Variants in CFAP299 observed in about 807,000 individuals in gnomAD.
The protein encoded by CFAP299 is cilia- and flagella-associated protein 299.
A neutral mutation model predicts 27.0 loss-of-function variants in CFAP299; 21 were observed. The ratio of observed to expected loss-of-function variants is 0.78; its 90% CI spans 0.55 to 1.12. The LOEUF is 1.12. Ranked by LOEUF, CFAP299 falls within the 50% of genes most tolerant of loss-of-function variation. CFAP299 has a pLI of 0.00. For synonymous variants in CFAP299, 104 were observed against 98.1 expected, an observed-to-expected ratio of 1.06 and a Z score of -0.36; for missense variants, 310 against 276.6, an observed-to-expected ratio of 1.12 and a Z score of -0.86.
chr4:80,472,456 AAG>A (rs2110117403), intron 2 of CFAP299, among the ~76,000 whole-genome samples: 1 of 152,304 alleles, frequency 6.6e-6, no homozygotes, highest in East Asian at 1.9e-4. Flanking sequence ...CAACGGATGA[AAG>A]AGGGGAATGC....
chr4:80,550,409 C>T (rs1479054972), intron 2 of CFAP299, among the ~76,000 whole-genome samples: 3 of 151,972 alleles, frequency 2.0e-5, no homozygotes, highest in African/African-American at 7.2e-5. Flanking sequence ...CCTCTCTTCC[C>T]TATATTTAAA....
intron 2 of CFAP299, among the ~76,000 whole-genome samples, chr4:80,382,570 C>A (rs185361555): frequency 2.6e-5 from 4 of 152,068 alleles, no homozygotes; most frequent in Non-Finnish European, 4.4e-5. Context: ...ATGTGGCCAA[C>A]AAGGATATGA....
At chr4:80,924,514 ATGTGTGTGTG>A (rs35374483) in intron 4 of CFAP299, among the ~76,000 whole-genome samples, 1 of 137,510 alleles carries the variant, frequency 7.3e-6, no homozygotes, top group Admixed American at 7.3e-5. Context: ...ACAATTCATT[ATGTGTGTGTG>A]TGTGTGTGTG....
upstream of CFAP299, among the ~76,000 whole-genome samples, chr4:80,332,680 G>A (rs1389098110): frequency 6.6e-6 from 1 of 152,048 alleles, no homozygotes; most frequent in Non-Finnish European, 1.5e-5. Context: ...GGAGAAAGTG[G>A]AAAAAGCCAT....
chr4:80,556,904 A>C (rs1467375374), intron 2 of CFAP299, among the ~76,000 whole-genome samples: 2 of 152,086 alleles, frequency 1.3e-5, no homozygotes, highest in Non-Finnish European at 2.9e-5. Flanking sequence ...AGGTAAACAA[A>C]ATCTCTTATC....
chr4:80,821,344 ATTTC>A (rs1344220540), intron 3 of CFAP299, among the ~76,000 whole-genome samples: 2 of 152,292 alleles, frequency 1.3e-5, no homozygotes, highest in Admixed American at 6.5e-5. Context: ...AAAAGTGTTT[ATTTC>A]TTCTTATTCA....
Position 80,593,064 on chromosome 4 carries a change from C to A in CFAP299, c.333+9881C>A, listed in dbSNP as rs187731021. Among the ~76,000 whole-genome samples the A allele has an allele frequency of 2.9e-4, 44 of 152,312 alleles. 1 individual carries two copies. Among genetic ancestry groups the A allele is most frequent in the Admixed American group, 2.6e-3 (40 of 15,306 alleles). ...TGAGCCTTCCCATTCCTTTTTCCCA[C>A]TATTTTGTCTGGGAGAAGAATATAT... On this transcript the variant is annotated intron_variant, in intron 3 of 5. Coordinates refer to ENST00000358105, the MANE Select transcript of CFAP299 (RefSeq NM_152770.3).
chr4:80,521,268 C>G (rs1329929516), intron 2 of CFAP299, among the ~76,000 whole-genome samples: 1 of 152,074 alleles, frequency 6.6e-6, no homozygotes, highest in African/African-American at 2.4e-5. Context: ...CAGTATTTCC[C>G]TAGGCACAAT....
chr4:80,824,063 A>C (rs1380256475), intron 3 of CFAP299, among the ~76,000 whole-genome samples: 1 of 152,170 alleles, frequency 6.6e-6, no homozygotes, highest in Admixed American at 6.6e-5. Context: ...ATGACATTAT[A>C]AGCATCAATG....
intron 1 of CFAP299, among the ~76,000 whole-genome samples, chr4:80,350,938 T>C (rs1177115196): frequency 1.3e-5 from 2 of 151,698 alleles, no homozygotes; most frequent in Non-Finnish European, 2.9e-5. Flanking sequence ...ATCCCAGAAC[T>C]TAAAGTAAAA....
rs893375570 is a variant in CFAP299 at position 80,504,686 on chromosome 4, TA to T, written c.243-78399del. ...TTCTCAGGTTTCAAGAATGGGGGATTAAAAAAAACACTGTAGAAGTGAGCGA... is the reference window on the plus strand; with the variant it reads ...TTCTCAGGTTTCAAGAATGGGGGATTAAAAAAACACTGTAGAAGTGAGCGA... On this transcript the variant is annotated intron_variant, in intron 2 of 5. Transcript: ENST00000358105. 4.6e-4 allele frequency among the ~76,000 whole-genome samples: 67 copies of T among 146,842 alleles called. No individual in the cohort carries two copies. The East Asian group carries it at 0.012, about 26-fold the overall frequency.
rs1278879956 is a variant in CFAP299, at chr4:80,613,225, AT to A, written c.333+30045del. 5.9e-5 allele frequency among the ~76,000 whole-genome samples: 9 copies of A among 152,080 alleles called. No homozygotes were observed. In the South Asian group the frequency reaches 6.2e-4, roughly 10 times the overall value. On this transcript the variant is annotated intron_variant, in intron 3 of 5. Transcript: ENST00000358105. ...TACCAGTTTAAATATTTTCTAGTAT[AT>A]TTGGTTTGTGCAGGAAGTAGAAAAT...
the CFAP299 span, among the ~76,000 whole-genome samples, chr4:80,328,993 G>A: frequency 4.6e-5 from 7 of 151,978 alleles, no homozygotes; most frequent in East Asian, 1.9e-4. Context: ...CCCGCAGCCC[G>A]TGTGCCATGT....
At chr4:80,944,687 G>A in intron 4 of CFAP299, 123 bp from the exon 5 acceptor site, 1 of 671,098 alleles carries the variant, frequency 1.5e-6, no homozygotes, top group Non-Finnish European at 2.5e-6. Context: ...TGTTCTACAT[G>A]GTTGTATGGC....
rs1371431639 is a variant in CFAP299, at chr4:80,837,436, GC to G, written c.334-32551del. On this transcript the variant is annotated intron_variant, in intron 3 of 5. Transcript: ENST00000358105. ...TTCTCCTAATGCTATCCTTCCCGTA[GC>G]CCCCCAACCCCCGACAGGCCCTAGT... 4.0e-5 allele frequency among the ~76,000 whole-genome samples: 6 copies of G among 151,882 alleles called. No individual in the cohort carries two copies. In the East Asian group the frequency reaches 9.7e-4, roughly 24 times the overall value.
rs182533394 is a variant in CFAP299, at chr4:80,756,893, T to C, written c.334-113100T>C. Among the ~76,000 whole-genome samples, 41 of 152,324 alleles carry C rather than the reference T, an allele frequency of 2.7e-4. No homozygotes were observed. The East Asian group carries it at 7.1e-3, about 26-fold the overall frequency. On this transcript the variant is annotated intron_variant, in intron 3 of 5. Coordinates refer to ENST00000358105, the MANE Select transcript of CFAP299 (RefSeq NM_152770.3). ...AATACATGATGCAAAGAGGTAAATG[T>C]TGTAATCATTGTCATAGAATTAATG...
At chr4:80,736,068 A>G (rs983863872) in intron 3 of CFAP299, among the ~76,000 whole-genome samples, 3 of 152,088 alleles carry the variant, frequency 2.0e-5, no homozygotes, top group African/African-American at 7.2e-5. Flanking sequence ...TTTGCTGAGC[A>G]GAAGCTCTTT....
intron 2 of CFAP299, among the ~76,000 whole-genome samples, chr4:80,571,750 T>C (rs915589116): frequency 6.6e-6 from 1 of 151,852 alleles, no homozygotes; most frequent in Non-Finnish European, 1.5e-5. Context: ...CCAGAGTTTG[T>C]TCCTGCTTTC....
chr4:80,592,493 A>G (rs988119423), intron 3 of CFAP299, among the ~76,000 whole-genome samples: 2 of 152,236 alleles, frequency 1.3e-5, no homozygotes, highest in African/African-American at 2.4e-5. Context: ...TGTGAAACAT[A>G]TCATTAGAAA....
Sources: allele counts gnomAD v4.1 joint callset (sites outside exome capture counted in the v4.1 genomes callset), GRCh38; gene constraint gnomAD v4.1.1; transcripts MANE v1.5; gene names NCBI Gene and HGNC (gene_info 2026-07-23, HGNC 2026-07-21).